The following KIF16B variants were observed in gnomAD, a reference collection of about 807,000 sequenced individuals.
KIF16B encodes the protein kinesin family member 16B, also known as kinesin-like protein KIF16B.
KIF16B carries 98 observed loss-of-function variants against 156.3 expected under a neutral mutation model. The observed-to-expected ratio is 0.63, with a 90% CI of 0.53 to 0.74. The LOEUF (loss-of-function observed/expected upper bound fraction) is 0.74, where lower values mean the gene tolerates loss of function less well. Ranked by LOEUF, KIF16B falls within the 30% of genes least tolerant of loss-of-function variation. The pLI, the probability that KIF16B is intolerant of heterozygous loss-of-function variation, is 0.00. For synonymous variants in KIF16B, 564 were observed against 583.7 expected (o/e 0.97, Z 0.49); for missense variants, 1,421 against 1,606.5 (o/e 0.88, Z 1.97).
intron 24 of KIF16B, among the ~76,000 whole-genome samples, chr20:16,333,540 G>T (rs547908559): frequency 1.2e-4 from 18 of 152,242 alleles, no homozygotes; most frequent in African/African-American, 4.1e-4. Flanking sequence ...TCATTTGAAG[G>T]TTTTTTAAAA....
At chr20:16,411,529 T>C (rs2065955354) in intron 15 of KIF16B, among the ~76,000 whole-genome samples, 1 of 152,040 alleles carries the variant, frequency 6.6e-6, no homozygotes, top group South Asian at 2.1e-4. Context: ...GCTGCAGACC[T>C]TTCTGACATG....
intron 6 of KIF16B, among the ~76,000 whole-genome samples, chr20:16,508,958 T>C (rs966194545): frequency 6.6e-6 from 1 of 152,190 alleles, no homozygotes; most frequent in Non-Finnish European, 1.5e-5. Flanking sequence ...CCCCCGTCCC[T>C]ATGCTATAGC....
intron 15 of KIF16B, among the ~76,000 whole-genome samples, chr20:16,426,193 T>C (rs544487193): frequency 6.6e-6 from 1 of 152,126 alleles, no homozygotes; most frequent in African/African-American, 2.4e-5. Context: ...CCTACATTTA[T>C]GTAGAGGGAC....
At chr20:16,522,605 G>T (rs907271271) in intron 3 of KIF16B, among the ~76,000 whole-genome samples, 1 of 152,134 alleles carries the variant, frequency 6.6e-6, no homozygotes, top group African/African-American at 2.4e-5. Context: ...ATATTAGACA[G>T]ATCAACGTGA....
chr20:16,554,300 C>T (rs183815882), intron 1 of KIF16B, among the ~76,000 whole-genome samples: 99 of 152,278 alleles, frequency 6.5e-4, no homozygotes, highest in East Asian at 4.8e-3. Flanking sequence ...CAGCCAGACT[C>T]GAAAAGACAA....
chr20:16,382,149 G>T, intron 17 of KIF16B: 1 of 1,335,742 alleles, frequency 7.5e-7, no homozygotes. Context: ...GAGGTGGAGA[G>T]AGAGAGAGAA....
At chr20:16,380,415 T>TA (rs2065067396) in intron 18 of KIF16B, among the ~76,000 whole-genome samples, 1 of 152,224 alleles carries the variant, frequency 6.6e-6, no homozygotes, top group Non-Finnish European at 1.5e-5. Flanking sequence ...GTAGAGCATA[T>TA]AATCATAATG....
chr20:16,432,533 C>A (rs151255727), intron 12 of KIF16B, among the ~76,000 whole-genome samples: 4 of 152,266 alleles, frequency 2.6e-5, no homozygotes, highest in Non-Finnish European at 5.9e-5. Flanking sequence ...GTCTACCATT[C>A]GCTAGGTGAT....
At chr20:16,427,318 T>C in intron 14 of KIF16B, 77 bp from the exon 15 acceptor site, 1 of 1,284,024 alleles carries the variant, frequency 7.8e-7, no homozygotes. Context: ...TATCTATAAA[T>C]TTATTTATTT....
chr20:16,418,199 A>G (rs926640636), intron 15 of KIF16B, among the ~76,000 whole-genome samples: 3 of 152,178 alleles, frequency 2.0e-5, no homozygotes, highest in Non-Finnish European at 4.4e-5. Flanking sequence ...GGGGTTAAAC[A>G]GAATGACAAA....
At chr20:16,285,488 C>G (rs2063210002) in intron 25 of KIF16B, among the ~76,000 whole-genome samples, 2 of 152,160 alleles carry the variant, frequency 1.3e-5, no homozygotes, top group South Asian at 4.1e-4. Context: ...GCGTATCTTT[C>G]TATGGCATTT....
At chr20:16,296,108 C>A (rs1568825087) in intron 25 of KIF16B, among the ~76,000 whole-genome samples, 1 of 152,058 alleles carries the variant, frequency 6.6e-6, no homozygotes, top group Non-Finnish European at 1.5e-5. Flanking sequence ...TAAAGGGCAG[C>A]AAAATGAGAA....
At position 16,371,585 on chromosome 20, in the gene KIF16B, G is replaced by C. The variant is rs112425626; in HGVS notation, c.3447+80C>G. The C allele has an allele frequency of 1.1e-3, 740 of 651,510 alleles. 6 individuals are homozygous for C. In the African/African-American group the frequency reaches 0.02, roughly 18 times the overall value. 40.4% of individuals were successfully genotyped at this position (651,510 alleles called of 1,614,324 possible). On this transcript the variant is annotated intron_variant, in intron 21 of 25. Coordinates refer to ENST00000354981, the MANE Select transcript of KIF16B (RefSeq NM_024704.5). ...AGCTTAGGTGACAGAACAAGACTCA[G>C]TCTCAAAAAAAAAAAAAAAAAGGAA...
intron 22 of KIF16B, chr20:16,367,384 A>G: frequency 1.2e-6 from 2 of 1,612,926 alleles, no homozygotes; most frequent in South Asian, 2.2e-5. Flanking sequence ...TTCTGGAACA[A>G]CAACACACCT....
At chr20:16,487,862 C>T (rs529169581) in intron 12 of KIF16B, among the ~76,000 whole-genome samples, 44 of 152,262 alleles carry the variant, frequency 2.9e-4, no homozygotes, top group African/African-American at 1.0e-3. Flanking sequence ...CACATGGATT[C>T]AAATATGCTC....
intron 12 of KIF16B, among the ~76,000 whole-genome samples, chr20:16,461,306 G>T (rs968301642): frequency 2.0e-5 from 3 of 151,904 alleles, no homozygotes; most frequent in African/African-American, 4.8e-5. Context: ...TTTCAACCTT[G>T]TTTCTTCTTT....
chr20:16,555,868 T>C (rs949033787), intron 1 of KIF16B, among the ~76,000 whole-genome samples: 4 of 152,162 alleles, frequency 2.6e-5, no homozygotes, highest in African/African-American at 9.7e-5. Context: ...GCACTTAGGC[T>C]CTAGAGAAGG....
intron 12 of KIF16B, among the ~76,000 whole-genome samples, chr20:16,438,929 A>T (rs907308266): frequency 2.9e-4 from 44 of 152,208 alleles, no homozygotes; most frequent in Non-Finnish European, 5.6e-4. Context: ...AATCAGATTT[A>T]AAAACAAACA....
Position 16,512,877 on chromosome 20 carries a change from C to G in KIF16B, c.395G>C (p.Arg132Pro), listed in dbSNP as rs779575204. 2.3e-5 allele frequency: 37 copies of G among 1,613,850 alleles called. No individual in the cohort carries two copies. The Admixed American group carries it at 6.2e-4, about 27-fold the overall frequency. The part of the protein sequence containing the change: ...IPRICEGLFS[R>P]INETTRWDEA... ...ATCCCATCTGGTGGTTTCATTTATCCGACTGAAGAGTCCTTCACAGATCCG... is the reference window on the plus strand; with the variant it reads ...ATCCCATCTGGTGGTTTCATTTATCGGACTGAAGAGTCCTTCACAGATCCG... The change falls in exon 5 of 26, where the codon CGG becomes CCG. Residue 132 changes from arginine (R) to proline (P), a missense_variant. Transcript: ENST00000354981.
Sources: allele counts gnomAD v4.1 joint callset (sites outside exome capture counted in the v4.1 genomes callset), GRCh38; gene constraint gnomAD v4.1.1; transcripts MANE v1.5; gene names NCBI Gene and HGNC (gene_info 2026-07-23, HGNC 2026-07-21).